CNGB3: variants seen among roughly 807,000 people sequenced by gnomAD.
The protein encoded by CNGB3 is cyclic nucleotide-gated channel beta-3.
In CNGB3, 86 loss-of-function variants were observed where a neutral mutation model predicts 92.8. The ratio of observed to expected loss-of-function variants is 0.93; its 90% confidence interval spans 0.78 to 1.11. The LOEUF is 1.11. Ranked by LOEUF, CNGB3 falls within the 50% of genes least tolerant of loss-of-function variation. CNGB3 has a pLI of 0.00. For missense variants in CNGB3, 1,026 were observed against 956.8 expected, an observed-to-expected ratio of 1.07 and a Z score of -0.95; for synonymous variants, 333 against 332.7, an observed-to-expected ratio of 1.00 and a Z score of -0.01.
At chr8:86,698,267 C>A (rs1824487866) in intron 3 of CNGB3, among the ~76,000 whole-genome samples, 1 of 152,104 alleles carries the variant, frequency 6.6e-6, no homozygotes, top group African/African-American at 2.4e-5. Context: ...TTTAGATAGT[C>A]TTTGAAAACC....
At chr8:86,590,801 T>C (rs1168961948) in intron 15 of CNGB3, among the ~76,000 whole-genome samples, 3 of 149,800 alleles carry the variant, frequency 2.0e-5, no homozygotes, top group African/African-American at 5.0e-5. Context: ...CTTTGGTGAA[T>C]CTGACAATTA....
At chr8:86,622,513 A>G (rs757365866) in intron 13 of CNGB3, among the ~76,000 whole-genome samples, 2 of 151,966 alleles carry the variant, frequency 1.3e-5, no homozygotes, top group Non-Finnish European at 2.9e-5. Flanking sequence ...CATTTCCATC[A>G]CCCTACAAAG....
chr8:86,742,309 A>C (rs1488775854), intron 1 of CNGB3, among the ~76,000 whole-genome samples: 1 of 152,222 alleles, frequency 6.6e-6, no homozygotes, highest in Non-Finnish European at 1.5e-5. Context: ...GAGTTCTTAA[A>C]CATATAGATA....
At chr8:86,712,038 G>A (rs1824760779) in intron 3 of CNGB3, among the ~76,000 whole-genome samples, 1 of 151,954 alleles carries the variant, frequency 6.6e-6, no homozygotes, top group East Asian at 1.9e-4. Flanking sequence ...AAAGTACACT[G>A]TGCTTCTGGT....
At chr8:86,593,863 C>A in intron 15 of CNGB3, 2 of 741,504 alleles carry the variant, frequency 2.7e-6, no homozygotes, top group Non-Finnish European at 4.6e-6. Flanking sequence ...GGACCCCGGG[C>A]AGCATAGCCA....
At chr8:86,613,459 G>C (rs1050225942) in intron 13 of CNGB3, among the ~76,000 whole-genome samples, 2 of 152,096 alleles carry the variant, frequency 1.3e-5, no homozygotes, top group African/African-American at 4.8e-5. Flanking sequence ...ACTTTGGATT[G>C]ATTTTTGGAT....
chr8:86,693,547 C>T (rs1349542309), intron 3 of CNGB3, among the ~76,000 whole-genome samples: 1 of 149,628 alleles, frequency 6.7e-6, no homozygotes, highest in Non-Finnish European at 1.5e-5. Context: ...AGCAGATAAA[C>T]AAGTGAACAA....
chr8:86,671,019 G>A lies in CNGB3; in HGVS notation c.418C>T (p.Arg140Cys), dbSNP rs146488853. Reference protein sequence around the residue: ...AQLHNLVKRMRQRTALYKKKL... With the variant: ...AQLHNLVKRMCQRTALYKKKL... ...TTCTTGTAGAGGGCTGTTCTTTGACGCATTCTTTTCACCAGGTTGTGTAGC... is the reference window on the plus strand; with the variant it reads ...TTCTTGTAGAGGGCTGTTCTTTGACACATTCTTTTCACCAGGTTGTGTAGC... Residue 140 changes from arginine (R) to cysteine (C), a missense_variant, in exon 4 of 18, where the codon CGT (arginine) becomes TGT (cysteine). Physicochemically the swap from Arg to Cys is radical, Grantham distance 180. Coordinates refer to ENST00000320005, the MANE Select transcript of CNGB3 (RefSeq NM_019098.5). 7.5e-5 allele frequency: 121 copies of A among 1,613,508 alleles called. No individual in the cohort carries two copies. The highest frequency in any genetic ancestry group is 9.7e-5 in the Non-Finnish European group (115 of 1,179,980).
intron 8 of CNGB3, among the ~76,000 whole-genome samples, chr8:86,645,465 T>G (rs968422525): frequency 4.6e-5 from 7 of 151,202 alleles, no homozygotes; most frequent in African/African-American, 1.7e-4. Flanking sequence ...TTTCCTCATC[T>G]GTAAAATGAG....
In CNGB3 at chr8:86,743,506, G is replaced by C. The variant is rs763392637; in HGVS notation, c.122C>G (p.Thr41Arg). The C allele has an allele frequency of 6.2e-7, 1 of 1,613,886 alleles. No individual in the cohort carries two copies. The highest frequency in any genetic ancestry group is 8.5e-7 in the Non-Finnish European group (1 of 1,179,890). The change falls in exon 1 of 18, where the codon ACA becomes AGA. Residue 41 changes from threonine to arginine, a missense_variant. Transcript: ENST00000320005. ...GGAATGTAGAGGACATACCTGTGCT[G>C]TGGTTTGCTGAGACTGATTACTTGG... ...SHPSNQSQQT[T>R]AQEENKGEEK... is the part of the protein sequence containing the mutation.
chr8:86,604,917 AT>A (rs1192357430), intron 14 of CNGB3, among the ~76,000 whole-genome samples: 10 of 152,300 alleles, frequency 6.6e-5, no homozygotes, highest in Admixed American at 6.5e-4. Flanking sequence ...AATCACAAAG[AT>A]TTATGATGTG....
chr8:86,736,823 T>C (rs1031921446), intron 2 of CNGB3, among the ~76,000 whole-genome samples: 54 of 136,748 alleles, frequency 3.9e-4, no homozygotes, highest in Non-Finnish European at 2.0e-4. Flanking sequence ...ATGGAAGTTT[T>C]ATATATGTGA....
intron 15 of CNGB3, chr8:86,593,631 G>A: frequency 4.1e-6 from 2 of 482,128 alleles, no homozygotes; most frequent in Admixed American, 3.1e-5. Context: ...TAAGGGGCGA[G>A]TGGGGTTCCC....
intron 10 of CNGB3, among the ~76,000 whole-genome samples, chr8:86,641,775 A>AG (rs979496456): frequency 6.6e-6 from 1 of 151,900 alleles, no homozygotes; most frequent in African/African-American, 2.4e-5. Flanking sequence ...CTTACTTTCT[A>AG]GGGAACTCAG....
intron 13 of CNGB3, among the ~76,000 whole-genome samples, chr8:86,620,706 A>T (rs185553196): frequency 6.6e-6 from 1 of 152,234 alleles, no homozygotes; most frequent in African/African-American, 2.4e-5. Context: ...CTTTCAGTGA[A>T]GGGAGGAGAC....
intron 15 of CNGB3, among the ~76,000 whole-genome samples, chr8:86,579,589 T>A (rs1046654947): frequency 6.6e-6 from 1 of 152,126 alleles, no homozygotes; most frequent in African/African-American, 2.4e-5. Context: ...ACTTTTCACC[T>A]CTCCCCATGC....
At chr8:86,660,603 A>G in intron 6 of CNGB3, 1 of 534,140 alleles carries the variant, frequency 1.9e-6, no homozygotes, top group South Asian at 1.4e-5. Context: ...TTAGCTCCAA[A>G]CTGCACTCTG....
At chr8:86,582,066 C>A (rs900717755) in intron 15 of CNGB3, among the ~76,000 whole-genome samples, 5 of 90,464 alleles carry the variant, frequency 5.5e-5, no homozygotes, top group Non-Finnish European at 8.2e-5. Context: ...AAGAAATAAG[C>A]AGCAGAAATA....
At chr8:86,634,426 TC>T (rs750736472) in intron 10 of CNGB3, among the ~76,000 whole-genome samples, 1 of 152,164 alleles carries the variant, frequency 6.6e-6, no homozygotes, top group Admixed American at 6.5e-5. Flanking sequence ...TGCAATATTT[TC>T]CCGATAGGTT....
Sources: gnomAD v4.1 joint callset for allele counts (sites outside exome capture counted in the v4.1 genomes callset) on GRCh38, gnomAD v4.1.1 for gene constraint, MANE v1.5 for transcripts, NCBI Gene and HGNC (gene_info 2026-07-23, HGNC 2026-07-21) for gene names.